MKLN1: variants seen among roughly 807,000 people sequenced by gnomAD.
MKLN1 encodes muskelin.
Under a neutral mutation model 99.0 loss-of-function variants are expected in MKLN1, and 18 were observed. The ratio of observed to expected loss-of-function variants is 0.18; its 90% CI spans 0.13 to 0.27. The LOEUF (loss-of-function observed/expected upper bound fraction) is 0.27. Ranked by LOEUF, MKLN1 falls within the 10% of genes least tolerant of loss-of-function variation. The pLI is 1.00. For missense variants in MKLN1, 621 were observed against 875.9 expected (o/e 0.71, Z 3.67); for synonymous variants, 288 against 293.2 (o/e 0.98, Z 0.18).
chr7:131,166,602 T>A (rs1796128816), intron 2 of MKLN1, among the ~76,000 whole-genome samples: 1 of 152,118 alleles, frequency 6.6e-6, no homozygotes, highest in African/African-American at 2.4e-5. Flanking sequence ...GGGCCTTTCT[T>A]AGTGTTTTCT....
chr7:131,145,787 T>A (rs1321836814), intron 2 of MKLN1, among the ~76,000 whole-genome samples: 3 of 152,160 alleles, frequency 2.0e-5, no homozygotes, highest in African/African-American at 4.8e-5. Context: ...TTTCAACCCA[T>A]TAACATTGGT....
chr7:131,370,995 T>A (rs542490037), intron 1 of MKLN1, among the ~76,000 whole-genome samples: 9 of 152,288 alleles, frequency 5.9e-5, no homozygotes, highest in Non-Finnish European at 1.2e-4. Flanking sequence ...CTCACTCCGT[T>A]TCTGGTCTGT....
At chr7:131,171,873 A>G (rs1796221262) in intron 2 of MKLN1, among the ~76,000 whole-genome samples, 1 of 152,248 alleles carries the variant, frequency 6.6e-6, no homozygotes, top group African/African-American at 2.4e-5. Flanking sequence ...GAAAGAGGAT[A>G]TTTTAGTTGA....
chr7:131,262,813 T>C (rs1200187834), intron 3 of MKLN1, among the ~76,000 whole-genome samples: 2 of 152,106 alleles, frequency 1.3e-5, no homozygotes, highest in Non-Finnish European at 1.5e-5. Flanking sequence ...CCCAAAGTGC[T>C]GGGATTACAG....
chr7:131,160,640 T>A (rs2116311367), intron 2 of MKLN1, among the ~76,000 whole-genome samples: 1 of 149,976 alleles, frequency 6.7e-6, no homozygotes, highest in African/African-American at 2.4e-5. Context: ...CACCTCAGCC[T>A]CCTGAGTAGC....
intron 3 of MKLN1, among the ~76,000 whole-genome samples, chr7:131,236,718 C>A (rs1181153781): frequency 2.6e-5 from 4 of 152,012 alleles, no homozygotes; most frequent in African/African-American, 9.7e-5. Flanking sequence ...GGTGCAGTGG[C>A]TCATACTTGT....
intron 2 of MKLN1, among the ~76,000 whole-genome samples, chr7:131,189,707 A>G (rs1344145446): frequency 6.6e-6 from 1 of 152,204 alleles, no homozygotes; most frequent in Non-Finnish European, 1.5e-5. Context: ...TAGTAATAGC[A>G]GTAGTGAGTG....
chr7:131,435,920 G>A (rs1345119779), intron 9 of MKLN1, among the ~76,000 whole-genome samples: 1 of 151,214 alleles, frequency 6.6e-6, no homozygotes, highest in African/African-American at 2.4e-5. Flanking sequence ...ATATAACTTG[G>A]TCATCATTTT....
intron 8 of MKLN1, among the ~76,000 whole-genome samples, chr7:131,427,026 C>T (rs1259591868): frequency 1.3e-5 from 2 of 152,044 alleles, no homozygotes; most frequent in Non-Finnish European, 2.9e-5. Context: ...TAACTTATAT[C>T]TGAAGGACTT....
chr7:131,435,018 A>G (rs1795636451), intron 9 of MKLN1, among the ~76,000 whole-genome samples: 1 of 152,214 alleles, frequency 6.6e-6, no homozygotes, highest in South Asian at 2.1e-4. Flanking sequence ...CGTACATGTT[A>G]TCAGATTGAA....
intron 4 of MKLN1, among the ~76,000 whole-genome samples, chr7:131,389,747 G>T (rs936676433): frequency 2.0e-5 from 3 of 151,800 alleles, no homozygotes; most frequent in Non-Finnish European, 4.4e-5. Context: ...AATTTAGCTG[G>T]GCGTGGTGGT....
At chr7:131,266,274 A>T (rs966111933) in intron 3 of MKLN1, among the ~76,000 whole-genome samples, 7 of 151,878 alleles carry the variant, frequency 4.6e-5, no homozygotes, top group South Asian at 2.1e-4. Context: ...GAGGCTGTCT[A>T]CCACAACCAG....
At position 131,330,718 on chromosome 7, in the gene MKLN1, T is replaced by TA. The variant is rs888412989; in HGVS notation, c.98+2729dup. Among the ~76,000 whole-genome samples, 19 of 152,126 alleles carry TA rather than the reference T, an allele frequency of 1.2e-4. 1 individual carries two copies. In the East Asian group the frequency reaches 2.7e-3, roughly 22 times the overall value. ...GTTGTGTAAAGAAATGTGAAGTCATTAAAAAAAATTGAACAATTTTATCTC... is the reference window on the plus strand; with the variant it reads ...GTTGTGTAAAGAAATGTGAAGTCATTAAAAAAAAATTGAACAATTTTATCTC... On this transcript the variant is annotated intron_variant, in intron 1 of 17. Coordinates refer to ENST00000352689, the MANE Select transcript of MKLN1 (RefSeq NM_013255.5).
At chr7:131,367,510 G>A (rs1183635229) in intron 1 of MKLN1, among the ~76,000 whole-genome samples, 1 of 152,088 alleles carries the variant, frequency 6.6e-6, no homozygotes, top group East Asian at 1.9e-4. Context: ...GGTCACAATC[G>A]CTTTGGTTGC....
At chr7:131,393,607 A>G (rs982582089) in intron 4 of MKLN1, among the ~76,000 whole-genome samples, 7 of 151,354 alleles carry the variant, frequency 4.6e-5, no homozygotes, top group Admixed American at 3.9e-4. Context: ...AGTGTTTTAA[A>G]AGGTTTTTGT....
chr7:131,469,179 TAGATAGAGGCATAGAA>T (rs1372054632), intron 15 of MKLN1, among the ~76,000 whole-genome samples: 2 of 152,116 alleles, frequency 1.3e-5, no homozygotes, highest in East Asian at 3.9e-4. Context: ...GGTAGATAGA[TAGATAGAGGCATAGAA>T]AGATAGATGG....
intron 2 of MKLN1, among the ~76,000 whole-genome samples, chr7:131,196,697 A>G (rs1233938883): frequency 6.6e-6 from 1 of 152,210 alleles, no homozygotes; most frequent in Non-Finnish European, 1.5e-5. Flanking sequence ...ACAGTGTAGT[A>G]GTCCTATTTT....
chr7:131,366,816 C>G (rs1011114551), intron 1 of MKLN1, among the ~76,000 whole-genome samples: 14 of 152,006 alleles, frequency 9.2e-5, no homozygotes, highest in Admixed American at 3.9e-4. Context: ...CATCTCAAAA[C>G]AAAACAAGAG....
At chr7:131,419,924 C>T (rs890109671) in intron 8 of MKLN1, among the ~76,000 whole-genome samples, 5 of 152,126 alleles carry the variant, frequency 3.3e-5, no homozygotes, top group African/African-American at 4.8e-5. Context: ...ATGAACTGAC[C>T]TTGCATTTTA....
Sources: gnomAD v4.1 joint callset for allele counts (sites outside exome capture counted in the v4.1 genomes callset) on GRCh38, gnomAD v4.1.1 for gene constraint, MANE v1.5 for transcripts, NCBI Gene and HGNC (gene_info 2026-07-23, HGNC 2026-07-21) for gene names.